The following CAMKV variants were observed in gnomAD, a reference collection of about 807,000 sequenced individuals.
CAMKV encodes the protein CaM kinase like vesicle associated.
In CAMKV, 5 loss-of-function variants were observed where a neutral mutation model predicts 50.2. That is an observed-to-expected ratio of 0.10 (90% confidence interval 0.05 to 0.21). The LOEUF (loss-of-function observed/expected upper bound fraction) is 0.21. Among genes scored for constraint, CAMKV ranks in the 10% least tolerant of loss-of-function variants. CAMKV has a pLI of 1.00. For synonymous variants in CAMKV, 229 were observed against 250.1 expected (o/e 0.92, Z 0.80); for missense variants, 361 against 650.5 (o/e 0.55, Z 4.84).
At position 49,860,993 on chromosome 3, in the gene CAMKV, C is replaced by G. The variant is rs1475030150; in HGVS notation, c.588G>C (p.Arg196=). The G allele has an allele frequency of 6.2e-7, 1 of 1,614,008 alleles. No homozygotes were observed. The highest frequency in any genetic ancestry group is 1.3e-5 in the African/African-American group (1 of 74,906). The change falls in exon 7 of 11, where the codon CGG becomes CGC. Residue 196 remains arginine (R), a synonymous_variant. Coordinates refer to ENST00000477224, the MANE Select transcript of CAMKV (RefSeq NM_024046.5). The surrounding 1 kb of genome is among the most constrained non-coding windows in gnomAD (Gnocchi z 6.1). ...YLAPEVVGRQ[R]YGRPVDCWAI... Reference sequence around the variant, plus strand: ...CCCAGCAGTCCACAGGGCGTCCATACCGCTGCCGGCCTACCACCTCTGGGG... The same window carrying G: ...CCCAGCAGTCCACAGGGCGTCCATAGCGCTGCCGGCCTACCACCTCTGGGG...
Position 49,861,826 on chromosome 3 carries a change from A to G in CAMKV, c.267T>C (p.Phe89=). The G allele has an allele frequency of 1.2e-6, 2 of 1,613,940 alleles. No individual in the cohort carries two copies. Among genetic ancestry groups the G allele is most frequent in the Non-Finnish European group, 1.7e-6 (2 of 1,179,906 alleles). Residue 89 remains phenylalanine, a synonymous_variant, in exon 4 of 11, where the codon TTT becomes TTC. Transcript: ENST00000477224. The surrounding 1 kb of genome is among the most constrained non-coding windows in gnomAD (Gnocchi z 7.7). ...HPNILQLVDV[F]VTRKEYFIFL... ...AGATAAAGTACTCCTTGCGGGTCAC[A>G]AACACATCCACCAGCTGTAGGATGT...
In CAMKV at chr3:49,860,054, C is replaced by T. The variant is rs1424593370; in HGVS notation, c.942+117G>A. On this transcript the variant is annotated intron_variant, in intron 10 of 10. Coordinates refer to ENST00000477224, the MANE Select transcript of CAMKV (RefSeq NM_024046.5). This position sits in a 1 kb window ranked among gnomAD's most constrained non-coding sequence, Gnocchi z 6.1. ...AAGGTAATCACAGTGGCTACACCCA[C>T]ACCTGATGGCCTGAGAAAAGCTTGT... is the stretch of plus-strand genomic sequence containing the variant. 2.4e-5 allele frequency: 27 copies of T among 1,117,880 alleles called. No individual in the cohort carries two copies. In the Admixed American group the frequency reaches 3.7e-4, roughly 15 times the overall value. The allele number at this position is 1,117,880 out of a possible 1,614,324, so 69.2% of individuals were successfully genotyped here.
rs573878432 is a variant in CAMKV at position 49,866,141 on chromosome 3, T to C, written c.-15+3617A>G. On this transcript the variant is annotated intron_variant, in intron 1 of 10. Transcript: ENST00000477224. ...TCCTCACCAGTCTAAGTATACTGGC[T>C]TGGGGCCCTGGACTTGGCCCCAGGG... Among the ~76,000 whole-genome samples the C allele has an allele frequency of 2.6e-5, 4 of 152,180 alleles. No individual in the cohort carries two copies. In the East Asian group the frequency reaches 7.8e-4, roughly 30 times the overall value.
Position 49,860,585 on chromosome 3 carries a change from A to AC in CAMKV, c.776-37dup. ...AACCAAGAAGGGGATAGTCATGGGC[A>AC]CCCCATCTCAATGTCTAGAGGTGAT... is the stretch of plus-strand genomic sequence containing the variant. On this transcript the variant is annotated intron_variant, in intron 8 of 10. Coordinates refer to ENST00000477224, the MANE Select transcript of CAMKV (RefSeq NM_024046.5). This position sits in a 1 kb window ranked among gnomAD's most constrained non-coding sequence, Gnocchi z 6.1. The AC allele has an allele frequency of 6.2e-7, 1 of 1,610,724 alleles. No homozygotes were observed.
intron 1 of CAMKV, among the ~76,000 whole-genome samples, chr3:49,867,725 G>A (rs376193722): frequency 1.3e-5 from 2 of 152,158 alleles, no homozygotes; most frequent in Non-Finnish European, 2.9e-5. Flanking sequence ...CAAGAAAGGG[G>A]AGGTGGGGAG....
rs1353296189 is a variant in CAMKV at position 49,858,478 on chromosome 3, G to A, written c.*840C>T. On this transcript the variant is annotated 3_prime_UTR_variant, in exon 11 of 11. Coordinates refer to ENST00000477224, the MANE Select transcript of CAMKV (RefSeq NM_024046.5). The stretch of plus-strand genomic sequence containing the variant: ...AAGGAGGTATCAGCCCTCCCTGTTT[G>A]GCCCAGGGTAAGGACCCAGTAAGGC... 2 of 396,438 alleles carry A rather than the reference G, an allele frequency of 5.0e-6. No homozygotes were observed. Among genetic ancestry groups the A allele is most frequent in the African/African-American group, 4.1e-5 (2 of 48,568 alleles). The allele number at this position is 396,438 out of a possible 1,614,324, so 24.6% of individuals were successfully genotyped here.
intron 1 of CAMKV, among the ~76,000 whole-genome samples, chr3:49,868,994 G>T (rs1489913154): frequency 2.0e-5 from 3 of 152,206 alleles, no homozygotes; most frequent in South Asian, 4.1e-4. Context: ...AGCTGGGGAA[G>T]GCAGAAGCTC....
In CAMKV at chr3:49,861,903, T is replaced by G; in HGVS notation, c.228-38A>C. ...AGGGGAGCCAGTAGTTAGGGCTGGA[T>G]GAACCCCTGGGAGAGGCTGTGGTCA... On this transcript the variant is annotated intron_variant, in intron 3 of 10. Transcript: ENST00000477224. The surrounding 1 kb of genome is among the most constrained non-coding windows in gnomAD (Gnocchi z 7.7). 4 of 1,611,576 alleles carry G rather than the reference T, an allele frequency of 2.5e-6. No individual in the cohort carries two copies. Among genetic ancestry groups the G allele is most frequent in the Non-Finnish European group, 3.4e-6 (4 of 1,178,580 alleles).
chr3:49,862,491 C>CA lies in CAMKV; in HGVS notation c.-14-90dup, dbSNP rs2082030253. The CA allele has an allele frequency of 1.8e-6, 2 of 1,141,250 alleles. No homozygotes were observed. The highest frequency in any genetic ancestry group is 3.0e-5 in the African/African-American group (2 of 66,238). 70.7% of individuals were successfully genotyped at this position (1,141,250 alleles called of 1,614,324 possible). On this transcript the variant is annotated intron_variant, in intron 1 of 10. Transcript: ENST00000477224. This position sits in a 1 kb window ranked among gnomAD's most constrained non-coding sequence, Gnocchi z 5.2. ...GCTTTTGGGAGACCCCAACCTGGCT[C>CA]AGGCCAAGCTAGGGGCAGAGACCAT... is the stretch of plus-strand genomic sequence containing the variant.
chr3:49,860,362 G>GCCT lies in CAMKV; in HGVS notation c.855-105_855-104insAGG. 6.5e-7 allele frequency: 1 copy of GCCT among 1,528,342 alleles called. No homozygotes were observed. The highest frequency in any genetic ancestry group is 9.0e-7 in the Non-Finnish European group (1 of 1,105,254). The allele number at this position is 1,528,342 out of a possible 1,614,324, so 94.7% of individuals were successfully genotyped here. On this transcript the variant is annotated intron_variant, in intron 9 of 10. Coordinates refer to ENST00000477224, the MANE Select transcript of CAMKV (RefSeq NM_024046.5). This position sits in a 1 kb window ranked among gnomAD's most constrained non-coding sequence, Gnocchi z 6.1. ...CCAGGGACTACCAGGCAGAGCCTCT[G>GCCT]GGCTGCCCTGAGCTCTAGGTACCTG...
At position 49,869,499 on chromosome 3, in the gene CAMKV, G is replaced by T. The variant is rs902431497; in HGVS notation, c.-15+259C>A. Reference sequence around the variant, plus strand: ...CACGGGGGACCACGAATCTTCGAGGGTTAATCTTTTCACAATTCCGAGCCG... The same window carrying T: ...CACGGGGGACCACGAATCTTCGAGGTTTAATCTTTTCACAATTCCGAGCCG... On this transcript the variant is annotated intron_variant, in intron 1 of 10. Coordinates refer to ENST00000477224, the MANE Select transcript of CAMKV (RefSeq NM_024046.5). This position sits in a 1 kb window ranked among gnomAD's most constrained non-coding sequence, Gnocchi z 5.2. Among the ~76,000 whole-genome samples the T allele has an allele frequency of 6.6e-6, 1 of 152,126 alleles. No homozygotes were observed. Among genetic ancestry groups the T allele is most frequent in the Admixed American group, 6.5e-5 (1 of 15,284 alleles).
rs1336271520 is a variant in CAMKV at position 49,861,788 on chromosome 3, C to T, written c.302+3G>A. 1.2e-6 allele frequency: 2 copies of T among 1,613,804 alleles called. No individual in the cohort carries two copies. The highest frequency in any genetic ancestry group is 1.7e-6 in the Non-Finnish European group (2 of 1,179,862). On this transcript the variant is annotated splice_donor_region_variant and intron_variant, in intron 4 of 10. Transcript: ENST00000477224. The surrounding 1 kb of genome is among the most constrained non-coding windows in gnomAD (Gnocchi z 7.7). ...AATCTTGGGTCCCCAGACCCACACTCACAGCTCCAGGAAGATAAAGTACTC... is the reference window on the plus strand; with the variant it reads ...AATCTTGGGTCCCCAGACCCACACTTACAGCTCCAGGAAGATAAAGTACTC...
In CAMKV at chr3:49,859,747, C is replaced by A; in HGVS notation, c.1077G>T (p.Ala359=). ...GAAGGATAAA[A]SGATSAPEGD... Reference sequence around the variant, plus strand: ...CCTCAGGGGCTGAGGTAGCTCCACTCGCAGCTGCAGCTGTGGCCCCACCTG... The same window carrying A: ...CCTCAGGGGCTGAGGTAGCTCCACTAGCAGCTGCAGCTGTGGCCCCACCTG... The change falls in exon 11 of 11, where the codon GCG becomes GCT. Residue 359 remains alanine, a synonymous_variant. Coordinates refer to ENST00000477224, the MANE Select transcript of CAMKV (RefSeq NM_024046.5). The surrounding 1 kb of genome is among the most constrained non-coding windows in gnomAD (Gnocchi z 5.5). 1 of 1,577,908 alleles carries A rather than the reference C, an allele frequency of 6.3e-7. No homozygotes were observed. Among genetic ancestry groups the A allele is most frequent in the Admixed American group, 1.7e-5 (1 of 58,862 alleles).
intron 1 of CAMKV, among the ~76,000 whole-genome samples, chr3:49,866,072 C>T (rs1224732253): frequency 1.3e-5 from 2 of 150,360 alleles, no homozygotes; most frequent in Non-Finnish European, 3.0e-5. Context: ...CTGCCCCCTA[C>T]TATGGCTGCC....
chr3:49,860,161 C>T lies in CAMKV; in HGVS notation c.942+10G>A. 1 of 1,612,126 alleles carries T rather than the reference C, an allele frequency of 6.2e-7. No homozygotes were observed. Among genetic ancestry groups the T allele is most frequent in the Non-Finnish European group, 8.5e-7 (1 of 1,178,222 alleles). On this transcript the variant is annotated intron_variant, in intron 10 of 10. Transcript: ENST00000477224. This position sits in a 1 kb window ranked among gnomAD's most constrained non-coding sequence, Gnocchi z 6.1. Reference sequence around the variant, plus strand: ...GGATAGAGCCAAGAAGGGAGTTATCCAAGCCTTACCTTCCACTTGGCCCTG... The same window carrying T: ...GGATAGAGCCAAGAAGGGAGTTATCTAAGCCTTACCTTCCACTTGGCCCTG...
At chr3:49,864,451 G>C (rs1460169832) in intron 1 of CAMKV, among the ~76,000 whole-genome samples, 6 of 152,152 alleles carry the variant, frequency 3.9e-5, no homozygotes, top group Non-Finnish European at 7.4e-5. Context: ...TTTCCACCTG[G>C]GGCACGGTGT....
chr3:49,869,010 G>C lies in CAMKV; in HGVS notation c.-15+748C>G, dbSNP rs895009180. Reference sequence around the variant, plus strand: ...GCTGGGGAAGGCAGAAGCTCATGCTGTCACTATCCCAGCCACCTCCAGCCA... The same window carrying C: ...GCTGGGGAAGGCAGAAGCTCATGCTCTCACTATCCCAGCCACCTCCAGCCA... On this transcript the variant is annotated intron_variant, in intron 1 of 10. Transcript: ENST00000477224. The surrounding 1 kb of genome is among the most constrained non-coding windows in gnomAD (Gnocchi z 5.2). 4.6e-5 allele frequency among the ~76,000 whole-genome samples: 7 copies of C among 152,212 alleles called. No homozygotes were observed. The highest frequency in any genetic ancestry group is 4.6e-4 in the Admixed American group (7 of 15,290).
intron 1 of CAMKV, among the ~76,000 whole-genome samples, chr3:49,867,421 C>T (rs914720289): frequency 2.0e-5 from 3 of 152,172 alleles, no homozygotes; most frequent in Non-Finnish European, 4.4e-5. Context: ...TGCTACATCC[C>T]GAAAGTTTAG....
chr3:49,863,216 C>T (rs1438507596), intron 1 of CAMKV, among the ~76,000 whole-genome samples: 1 of 152,200 alleles, frequency 6.6e-6, no homozygotes, highest in Non-Finnish European at 1.5e-5. Context: ...GGGATACAAA[C>T]ACAGCAGTAG....
Sources: allele counts gnomAD v4.1 joint callset (sites outside exome capture counted in the v4.1 genomes callset), GRCh38; gene constraint gnomAD v4.1.1; non-coding constraint Gnocchi (gnomAD v3.1); transcripts MANE v1.5; gene names NCBI Gene and HGNC (gene_info 2026-07-23, HGNC 2026-07-21).